The following MSRA variants were observed in gnomAD, a reference collection of about 807,000 sequenced individuals.
The protein encoded by MSRA is mitochondrial peptide methionine sulfoxide reductase.
Under a neutral mutation model 31.3 loss-of-function variants are expected in MSRA, and 54 were observed. The observed-to-expected ratio is 1.73, with a 90% CI of 1.39 to 2.17. The LOEUF (loss-of-function observed/expected upper bound fraction) is 2.17, where lower values mean the gene tolerates loss of function less well. Among genes scored for constraint, MSRA ranks in the 30% most tolerant of loss-of-function variants. MSRA has a pLI of 0.00. For synonymous variants in MSRA, 169 were observed against 116.5 expected (o/e 1.45, Z -2.90); for missense variants, 507 against 300.9 (o/e 1.69, Z -5.07).
intron 1 of MSRA, among the ~76,000 whole-genome samples, chr8:10,149,639 G>A (rs1013081744): frequency 1.3e-5 from 2 of 152,010 alleles, no homozygotes; most frequent in Non-Finnish European, 2.9e-5. Context: ...TTAATTGTGT[G>A]TCTACCTTCT....
intron 5 of MSRA, among the ~76,000 whole-genome samples, chr8:10,374,417 G>A (rs975952432): frequency 6.6e-6 from 1 of 152,132 alleles, no homozygotes; most frequent in Admixed American, 6.5e-5. Context: ...CATCCTGCAG[G>A]CTAGATCCTA....
chr8:10,245,047 A>G (rs530250255), intron 2 of MSRA, 57 bp from the exon 3 acceptor site: 119 of 1,579,194 alleles, frequency 7.5e-5, no homozygotes, highest in Admixed American at 2.0e-4. Context: ...TGGATGTGCA[A>G]TGACCACTTT....
chr8:10,428,720 C>A lies in MSRA; in HGVS notation c.*408C>A, dbSNP rs1042335749. On this transcript the variant is annotated 3_prime_UTR_variant, in exon 6 of 6. Transcript: ENST00000317173. ...ACGTGTATAGCCTCAGTGACTCATT[C>A]GCTGAAATCCTTCGCTTTACCAAAT... 1.0e-5 allele frequency: 2 copies of A among 194,894 alleles called. No homozygotes were observed. Among genetic ancestry groups the A allele is most frequent in the Non-Finnish European group, 2.0e-5 (2 of 97,664 alleles). The allele number at this position is 194,894 out of a possible 1,614,324, so 12.1% of individuals were successfully genotyped here. A position where few individuals can be genotyped will look rare whatever the true frequency, so the allele number is the denominator to read the frequency against.
chr8:10,067,555 T>C lies in MSRA; in HGVS notation c.142+12897T>C, dbSNP rs190829797. On this transcript the variant is annotated intron_variant, in intron 1 of 5. Transcript: ENST00000317173. ...ACTCATTTGGGTAAATGCCCAAAAG[T>C]GTGATTTCTGGGTTGTATGGTATAT... 9.8e-5 allele frequency among the ~76,000 whole-genome samples: 15 copies of C among 152,302 alleles called. No homozygotes were observed. The East Asian group carries it at 2.9e-3, about 29-fold the overall frequency.
intron 3 of MSRA, 26 bp from the exon 4 acceptor site, chr8:10,301,508 C>T (rs771853680): frequency 1.8e-5 from 28 of 1,572,326 alleles, no homozygotes; most frequent in Non-Finnish European, 2.3e-5. Flanking sequence ...CAGTAAATTT[C>T]GGTTGTACGT....
At chr8:10,109,939 T>G (rs548464979) in intron 1 of MSRA, among the ~76,000 whole-genome samples, 82 of 152,324 alleles carry the variant, frequency 5.4e-4, no homozygotes, top group African/African-American at 1.9e-3. Context: ...GCCACAGTTT[T>G]TGGTTTCCAC....
At position 10,375,040 on chromosome 8, in the gene MSRA, A is replaced by T. The variant is rs902328353; in HGVS notation, c.544-53108A>T. On this transcript the variant is annotated intron_variant, in intron 5 of 5. Transcript: ENST00000317173. ...CTTCCTGAGGCATCACCAGAAGCCA[A>T]ACAGATGCTGGTGCTATGCTTGTGC... Among the ~76,000 whole-genome samples the T allele has an allele frequency of 1.3e-5, 2 of 152,196 alleles. 1 individual carries two copies. Among genetic ancestry groups the T allele is most frequent in the South Asian group, 4.1e-4 (2 of 4,820 alleles).
At chr8:10,395,945 C>T (rs17151901) in intron 5 of MSRA, among the ~76,000 whole-genome samples, 16,464 of 152,196 alleles carry the variant, frequency 0.11, 2,258 homozygotes, top group African/African-American at 0.32. Context: ...AATCTTTGCA[C>T]GGCCCTACAA....
At chr8:10,295,257 T>C (rs1800470628) in intron 3 of MSRA, among the ~76,000 whole-genome samples, 1 of 152,100 alleles carries the variant, frequency 6.6e-6, no homozygotes, top group Admixed American at 6.5e-5. Flanking sequence ...CAGCTCCACC[T>C]GACTTCAAGG....
intron 2 of MSRA, among the ~76,000 whole-genome samples, chr8:10,233,148 G>A (rs1420091980): frequency 2.6e-5 from 4 of 152,160 alleles, no homozygotes; most frequent in Non-Finnish European, 4.4e-5. Context: ...TACCTTTTAT[G>A]CTTTAGTCCA....
At chr8:10,378,766 G>A (rs1251419789) in intron 5 of MSRA, among the ~76,000 whole-genome samples, 1 of 152,230 alleles carries the variant, frequency 6.6e-6, no homozygotes, top group Non-Finnish European at 1.5e-5. Flanking sequence ...CAGATACCCT[G>A]GGGGTGAGGC....
chr8:10,062,205 G>C (rs1427474806), intron 1 of MSRA, among the ~76,000 whole-genome samples: 1 of 152,196 alleles, frequency 6.6e-6, no homozygotes, highest in Non-Finnish European at 1.5e-5. Context: ...TTCCTCCTTG[G>C]CAGATGGCCA....
At chr8:10,172,412 C>T (rs527907628) in intron 1 of MSRA, among the ~76,000 whole-genome samples, 36 of 151,932 alleles carry the variant, frequency 2.4e-4, no homozygotes, top group Non-Finnish European at 4.0e-4. Context: ...GAAGCTTGAG[C>T]GGAAGAGTCC....
intron 1 of MSRA, among the ~76,000 whole-genome samples, chr8:10,091,819 C>T (rs1033992574): frequency 6.6e-6 from 1 of 152,066 alleles, no homozygotes; most frequent in Non-Finnish European, 1.5e-5. Context: ...GTTGGCCAGG[C>T]TGGTCTCGAA....
At chr8:10,063,505 C>G (rs575936578) in intron 1 of MSRA, among the ~76,000 whole-genome samples, 3 of 152,182 alleles carry the variant, frequency 2.0e-5, no homozygotes, top group South Asian at 4.1e-4. Flanking sequence ...TTGCAGGTTG[C>G]TATGGTCTGA....
At chr8:10,130,606 G>C (rs763910638) in intron 1 of MSRA, among the ~76,000 whole-genome samples, 2 of 152,138 alleles carry the variant, frequency 1.3e-5, no homozygotes, top group Non-Finnish European at 2.9e-5. Context: ...TAATCTTGGC[G>C]TCACTATGCA....
intron 3 of MSRA, among the ~76,000 whole-genome samples, chr8:10,260,447 G>A (rs192484387): frequency 4.5e-4 from 68 of 152,292 alleles, no homozygotes; most frequent in Non-Finnish European, 8.1e-4. Context: ...AATACCCCAC[G>A]ACTCTAGCGG....
chr8:10,383,123 G>A (rs1310218663), intron 5 of MSRA, among the ~76,000 whole-genome samples: 1 of 152,222 alleles, frequency 6.6e-6, no homozygotes, highest in Non-Finnish European at 1.5e-5. Context: ...AGATCCAGTT[G>A]ATGGCAGAGT....
intron 2 of MSRA, among the ~76,000 whole-genome samples, chr8:10,242,614 G>A (rs2975719): frequency 1.3e-5 from 2 of 152,114 alleles, no homozygotes; most frequent in East Asian, 3.9e-4. Context: ...AGTATTTAAA[G>A]AAAATAGTGC....
Sources: gnomAD v4.1 joint callset for allele counts (sites outside exome capture counted in the v4.1 genomes callset) on GRCh38, gnomAD v4.1.1 for gene constraint, MANE v1.5 for transcripts, NCBI Gene and HGNC (gene_info 2026-07-23, HGNC 2026-07-21) for gene names.